The following XRRA1 variants were observed in gnomAD, a reference collection of about 807,000 sequenced individuals.
The protein encoded by XRRA1 is X-ray radiation resistance associated 1, also known as X-ray radiation resistance-associated protein 1.
XRRA1 carries 69 observed loss-of-function variants against 80.2 expected under a neutral mutation model. The observed-to-expected ratio is 0.86, with a 90% CI of 0.71 to 1.05. The LOEUF (loss-of-function observed/expected upper bound fraction) is 1.05. XRRA1 is among the 50% of genes least tolerant of loss of function. XRRA1 has a pLI of 0.00. For missense variants in XRRA1, 967 were observed against 976.4 expected, an observed-to-expected ratio of 0.99 and a Z score of 0.13; for synonymous variants, 348 against 389.9, an observed-to-expected ratio of 0.89 and a Z score of 1.27.
rs756860986 is a variant in XRRA1 at position 74,848,465 on chromosome 11, G to A, written c.1381-3C>T. ...ACCTTTGGGATTTCGCTTTTCACCT[G>A]TCATGGAGAAGGGCCAGAATGAATT... On this transcript the variant is annotated splice_region_variant and splice_polypyrimidine_tract_variant and intron_variant, in intron 14 of 18. Transcript: ENST00000684022. 42 of 1,600,144 alleles carry A rather than the reference G, an allele frequency of 2.6e-5. No individual in the cohort carries two copies. The highest frequency in any genetic ancestry group is 1.7e-4 in the Middle Eastern group (1 of 6,026).
intron 9 of XRRA1, 58 bp from the exon 10 acceptor site, chr11:74,906,514 T>TA: frequency 6.4e-7 from 1 of 1,565,168 alleles, no homozygotes; most frequent in Non-Finnish European, 8.7e-7. Context: ...CAGGATTGTT[T>TA]ACCAAGCAAC....
intron 8 of XRRA1, among the ~76,000 whole-genome samples, chr11:74,916,290 A>G (rs1424522946): frequency 6.6e-6 from 1 of 152,132 alleles, no homozygotes; most frequent in Non-Finnish European, 1.5e-5. Context: ...GGACTTTCAT[A>G]ATACATAGGT....
At chr11:74,885,345 TA>T (rs2048765248) in intron 10 of XRRA1, among the ~76,000 whole-genome samples, 1 of 151,932 alleles carries the variant, frequency 6.6e-6, no homozygotes, top group Non-Finnish European at 1.5e-5. Context: ...GCTAGATTAA[TA>T]AAAGAAAGAC....
intron 6 of XRRA1, among the ~76,000 whole-genome samples, 163 bp downstream of exon 6, chr11:74,930,137 G>A (rs1199658195): frequency 6.6e-6 from 1 of 152,158 alleles, no homozygotes; most frequent in African/African-American, 2.4e-5. Context: ...GCCAGAGCAG[G>A]ACTGGAATCG....
chr11:74,900,770 A>T (rs1355281567), intron 10 of XRRA1, among the ~76,000 whole-genome samples: 2 of 152,218 alleles, frequency 1.3e-5, no homozygotes, highest in Non-Finnish European at 2.9e-5. Context: ...TCATAATAAA[A>T]ACCCTCAAAA....
intron 5 of XRRA1, among the ~76,000 whole-genome samples, chr11:74,931,051 C>G (rs1348803923): frequency 6.6e-6 from 1 of 152,044 alleles, no homozygotes; most frequent in Non-Finnish European, 1.5e-5. Flanking sequence ...AAGTAATCCG[C>G]CTGCCTCAGC....
At chr11:74,939,965 G>C (rs983838719) in intron 3 of XRRA1, among the ~76,000 whole-genome samples, 1 of 152,132 alleles carries the variant, frequency 6.6e-6, no homozygotes, top group Non-Finnish European at 1.5e-5. Flanking sequence ...TAGGTAGGTG[G>C]CCAGGGAAAG....
chr11:74,867,930 T>TTTTC, intron 10 of XRRA1, among the ~76,000 whole-genome samples: 1 of 147,338 alleles, frequency 6.8e-6, no homozygotes, highest in Admixed American at 6.8e-5. Context: ...TTTTTTTTTT[T>TTTTC]TTTTTTCTGA....
chr11:74,867,794 A>T (rs984806822), intron 10 of XRRA1, among the ~76,000 whole-genome samples: 1 of 152,134 alleles, frequency 6.6e-6, no homozygotes, highest in Non-Finnish European at 1.5e-5. Context: ...CAAGGTCAAA[A>T]TGATAGAAAT....
At chr11:74,929,700 G>T (rs1412094584) in intron 6 of XRRA1, among the ~76,000 whole-genome samples, 1 of 152,106 alleles carries the variant, frequency 6.6e-6, no homozygotes, top group Admixed American at 6.6e-5. Context: ...TCTGGTCTCA[G>T]CTTAGGTGCT....
intron 10 of XRRA1, among the ~76,000 whole-genome samples, chr11:74,877,686 CCCA>C (rs1009525675): frequency 1.4e-5 from 2 of 143,394 alleles, no homozygotes; most frequent in African/African-American, 5.2e-5. Flanking sequence ...TTGTTCAATT[CCCA>C]CCTATGAGTG....
At chr11:74,907,034 T>C in intron 9 of XRRA1, 111 bp downstream of exon 9, 2 of 1,415,218 alleles carry the variant, frequency 1.4e-6, no homozygotes, top group Middle Eastern at 2.6e-4. Flanking sequence ...TAGAGATAAA[T>C]TGTGGAGCTA....
rs1490140228 is a variant in XRRA1, at chr11:74,906,243, C to CCGA, written c.998_999insTCG (p.Arg333dup). The CCGA allele has an allele frequency of 1.2e-6, 2 of 1,613,546 alleles. No individual in the cohort carries two copies. Among genetic ancestry groups the CCGA allele is most frequent in the South Asian group, 2.2e-5 (2 of 91,022 alleles). On this transcript the variant is annotated inframe_insertion, in exon 10 of 19. Coordinates refer to ENST00000684022, the MANE Select transcript of XRRA1 (RefSeq NM_001378157.1). The stretch of plus-strand genomic sequence containing the variant: ...GGGACAAGGGGTGTCACTCACCTGT[C>CCGA]CGGTCAACATCCTTTTTCATGGGCA...
At chr11:74,878,918 T>C (rs2046765993) in intron 10 of XRRA1, among the ~76,000 whole-genome samples, 1 of 151,884 alleles carries the variant, frequency 6.6e-6, no homozygotes, top group Non-Finnish European at 1.5e-5. Flanking sequence ...GCTTTGTTCT[T>C]TTGGCTTAGG....
Position 74,848,303 on chromosome 11 carries a change from G to A in XRRA1, c.1540C>T (p.Pro514Ser), listed in dbSNP as rs1219383188. The A allele has an allele frequency of 1.2e-6, 2 of 1,613,782 alleles. No homozygotes were observed. The highest frequency in any genetic ancestry group is 1.7e-6 in the Non-Finnish European group (2 of 1,179,850). Reference protein sequence around the residue: ...TKSTSVESEMPTENLEGHSPS... With the variant: ...TKSTSVESEMSTENLEGHSPS... ...GAATGGCCTTCCAGGTTCTCAGTGG[G>A]CATCTCTGACTCCACAGAAGTGCTT... Residue 514 changes from proline (P) to serine (S), a missense_variant, in exon 15 of 19, where the codon CCC becomes TCC. Transcript: ENST00000684022.
chr11:74,918,684 T>G (rs1939640811), intron 8 of XRRA1: 1 of 152,244 alleles, frequency 6.6e-6, no homozygotes, highest in Non-Finnish European at 1.5e-5. Flanking sequence ...CTATGTATTG[T>G]AGGGGGCTGG....
chr11:74,880,550 T>C (rs1326390013), intron 10 of XRRA1, among the ~76,000 whole-genome samples: 2 of 150,364 alleles, frequency 1.3e-5, no homozygotes, highest in Non-Finnish European at 1.5e-5. Context: ...TTAATTGTGA[T>C]GTTAGGGTGT....
chr11:74,890,404 G>T (rs1044961975), intron 10 of XRRA1, among the ~76,000 whole-genome samples: 5 of 152,312 alleles, frequency 3.3e-5, no homozygotes, highest in East Asian at 1.9e-4. Context: ...TCAAAGCAGT[G>T]TGTAGAGGGA....
intron 2 of XRRA1, among the ~76,000 whole-genome samples, chr11:74,944,756 T>C (rs1476912675): frequency 6.6e-6 from 1 of 152,216 alleles, no homozygotes; most frequent in East Asian, 1.9e-4. Context: ...ACTAAAAATA[T>C]GTTGGTAAGA....
Sources: allele counts gnomAD v4.1 joint callset (sites outside exome capture counted in the v4.1 genomes callset), GRCh38; gene constraint gnomAD v4.1.1; transcripts MANE v1.5; gene names NCBI Gene and HGNC (gene_info 2026-07-23, HGNC 2026-07-21).